The following PTPRM variants were observed in gnomAD, a reference collection of about 807,000 sequenced individuals.
The protein encoded by PTPRM is protein tyrosine phosphatase receptor type M, also known as receptor-type tyrosine-protein phosphatase mu.
Under a neutral mutation model 186.7 loss-of-function variants are expected in PTPRM, and 47 were observed. The observed-to-expected ratio is 0.25, with a 90% CI of 0.20 to 0.32. The LOEUF is 0.32. Ranked by LOEUF, PTPRM falls within the 10% of genes least tolerant of loss-of-function variation. PTPRM has a pLI of 1.00. For synonymous variants in PTPRM, 668 were observed against 674.9 expected, an observed-to-expected ratio of 0.99 and a Z score of 0.16; for missense variants, 1,494 against 1,865.0, an observed-to-expected ratio of 0.80 and a Z score of 3.66.
At chr18:7,723,302 CTACAAACTCA>C in intron 1 of PTPRM, among the ~76,000 whole-genome samples, 1 of 152,302 alleles carries the variant, frequency 6.6e-6, no homozygotes, top group East Asian at 1.9e-4. Context: ...GATGAATAAT[CTACAAACTCA>C]TGCAAAATAA....
chr18:7,997,725 T>C (rs752711790), intron 7 of PTPRM, among the ~76,000 whole-genome samples: 2 of 152,138 alleles, frequency 1.3e-5, no homozygotes, highest in Non-Finnish European at 2.9e-5. Context: ...GTGACCTAAG[T>C]GAACATTTCT....
At chr18:7,575,004 T>C (rs569163174) in intron 1 of PTPRM, among the ~76,000 whole-genome samples, 7 of 152,264 alleles carry the variant, frequency 4.6e-5, no homozygotes, top group Admixed American at 1.3e-4. Context: ...TGCACTCCAG[T>C]CTGGGCGACA....
chr18:8,403,345 A>C (rs564345178), intron 32 of PTPRM: 9 of 152,322 alleles, frequency 5.9e-5, no homozygotes, highest in African/African-American at 1.9e-4. Context: ...TTCCCCTTTT[A>C]GATGGAAATA....
intron 14 of PTPRM, among the ~76,000 whole-genome samples, chr18:8,229,092 G>A (rs3935751): frequency 0.53 from 80,187 of 151,686 alleles, 21,671 homozygotes; most frequent in Middle Eastern, 0.74. Context: ...TCTTATGCAC[G>A]ATTATGTTTA....
At chr18:7,879,555 AATAAT>A (rs1178053802) in intron 2 of PTPRM, among the ~76,000 whole-genome samples, 3 of 152,178 alleles carry the variant, frequency 2.0e-5, no homozygotes, top group Non-Finnish European at 4.4e-5. Flanking sequence ...GTTAAGGTGA[AATAAT>A]ATATTTTTCT....
intron 7 of PTPRM, among the ~76,000 whole-genome samples, chr18:8,033,493 C>T (rs1352492220): frequency 7.9e-5 from 12 of 152,152 alleles, no homozygotes; most frequent in Admixed American, 7.2e-4. Flanking sequence ...ACTACACACC[C>T]AGGGTATATG....
At chr18:7,731,127 T>C (rs1411263866) in intron 1 of PTPRM, among the ~76,000 whole-genome samples, 3 of 152,220 alleles carry the variant, frequency 2.0e-5, no homozygotes, top group Non-Finnish European at 2.9e-5. Flanking sequence ...CTTACAGGGT[T>C]TGCACACTGA....
intron 14 of PTPRM, among the ~76,000 whole-genome samples, chr18:8,203,344 G>T (rs936715997): frequency 6.6e-6 from 1 of 151,414 alleles, no homozygotes; most frequent in African/African-American, 2.4e-5. Flanking sequence ...TGTATTAAAA[G>T]AAAACAACAA....
chr18:8,344,448 G>GTGTGTATGTATATATATATATATA (rs1360655194), intron 23 of PTPRM, among the ~76,000 whole-genome samples: 2 of 33,420 alleles, frequency 6.0e-5, no homozygotes, highest in African/African-American at 7.5e-5. Context: ...GTGTGTGTGT[G>GTGTGTATGTATATATATATATATA]TATATATATA....
chr18:8,154,346 G>A (rs1334366498), intron 14 of PTPRM, among the ~76,000 whole-genome samples: 3 of 152,136 alleles, frequency 2.0e-5, no homozygotes, highest in Non-Finnish European at 2.9e-5. Flanking sequence ...TTCCTCTACC[G>A]CAGCATTCTG....
intron 14 of PTPRM, among the ~76,000 whole-genome samples, chr18:8,218,330 T>A (rs2094113998): frequency 6.6e-6 from 1 of 152,128 alleles, no homozygotes; most frequent in South Asian, 2.1e-4. Flanking sequence ...CGTGACATAA[T>A]GCACTAAATG....
intron 3 of PTPRM, among the ~76,000 whole-genome samples, chr18:7,893,554 T>C (rs1165270891): frequency 6.6e-6 from 1 of 152,192 alleles, no homozygotes; most frequent in Non-Finnish European, 1.5e-5. Context: ...GCCGCCCTCA[T>C]GCAGGTGGGC....
intron 3 of PTPRM, among the ~76,000 whole-genome samples, chr18:7,888,725 C>T (rs567562791): frequency 6.6e-6 from 1 of 152,084 alleles, no homozygotes; most frequent in South Asian, 2.1e-4. Context: ...ATGGAATCCA[C>T]CTAGGTGTCC....
intron 2 of PTPRM, among the ~76,000 whole-genome samples, chr18:7,844,727 C>G (rs1297251439): frequency 6.6e-6 from 1 of 152,190 alleles, no homozygotes; most frequent in African/African-American, 2.4e-5. Context: ...CATTGGGTAG[C>G]TTTCCAAGTC....
intron 1 of PTPRM, among the ~76,000 whole-genome samples, chr18:7,637,181 A>C (rs1186956319): frequency 6.6e-6 from 1 of 151,858 alleles, no homozygotes; most frequent in Non-Finnish European, 1.5e-5. Context: ...AAAAAAAAAA[A>C]AAAAACAGTG....
At chr18:7,697,289 A>G (rs913058736) in intron 1 of PTPRM, among the ~76,000 whole-genome samples, 1 of 152,212 alleles carries the variant, frequency 6.6e-6, no homozygotes, top group African/African-American at 2.4e-5. Flanking sequence ...GGGTTTCTGC[A>G]TACCTCGGTA....
chr18:7,786,829 A>G (rs2043118998), intron 2 of PTPRM, among the ~76,000 whole-genome samples: 1 of 152,226 alleles, frequency 6.6e-6, no homozygotes, highest in Non-Finnish European at 1.5e-5. Flanking sequence ...GACCTTTCTA[A>G]CACTGCAATC....
intron 20 of PTPRM, among the ~76,000 whole-genome samples, chr18:8,313,185 G>C (rs2095282362): frequency 6.6e-6 from 1 of 152,164 alleles, no homozygotes; most frequent in Non-Finnish European, 1.5e-5. Flanking sequence ...GTTGAGTAAA[G>C]TTAGCATCAG....
At chr18:8,097,232 T>C (rs916301291) in intron 11 of PTPRM, among the ~76,000 whole-genome samples, 3 of 152,210 alleles carry the variant, frequency 2.0e-5, no homozygotes, top group African/African-American at 4.8e-5. Flanking sequence ...CTGTATTTCA[T>C]TGCAACTTAA....
Sources: allele counts gnomAD v4.1 joint callset (sites outside exome capture counted in the v4.1 genomes callset), GRCh38; gene constraint gnomAD v4.1.1; transcripts MANE v1.5; gene names NCBI Gene and HGNC (gene_info 2026-07-23, HGNC 2026-07-21).